The following GCSH variants were observed in gnomAD, a reference collection of about 807,000 sequenced individuals.
GCSH encodes glycine cleavage system H protein, mitochondrial.
Under a neutral mutation model 21.3 loss-of-function variants are expected in GCSH, and 15 were observed. The observed-to-expected ratio is 0.70, with a 90% confidence interval of 0.47 to 1.08. The LOEUF (loss-of-function observed/expected upper bound fraction) is 1.08, where lower values mean the gene tolerates loss of function less well. GCSH is among the 50% of genes least tolerant of loss of function. GCSH has a pLI of 0.00. For synonymous variants in GCSH, 59 were observed against 84.5 expected, an observed-to-expected ratio of 0.70 and a Z score of 1.66; for missense variants, 179 against 217.5, an observed-to-expected ratio of 0.82 and a Z score of 1.11.
chr16:81,087,932 C>A (rs553762721), intron 2 of GCSH, among the ~76,000 whole-genome samples: 163 of 152,154 alleles, frequency 1.1e-3, no homozygotes, highest in African/African-American at 3.7e-3. Flanking sequence ...TCGAGACCAG[C>A]CTGGTTGACA....
At chr16:81,095,986 C>T (rs1054562654) in intron 1 of GCSH, 145 bp downstream of exon 1, 2 of 648,952 alleles carry the variant, frequency 3.1e-6, no homozygotes, top group South Asian at 8.0e-5. Context: ...GGGATCCCAA[C>T]AGAAATAAGA....
intron 1 of GCSH, chr16:81,091,139 G>A: frequency 2.2e-6 from 1 of 448,352 alleles, no homozygotes; most frequent in South Asian, 1.6e-5. Flanking sequence ...ATAATCAGGT[G>A]CCTCTTTAGG....
chr16:81,092,720 G>C (rs1038993548), intron 1 of GCSH, among the ~76,000 whole-genome samples: 10 of 151,824 alleles, frequency 6.6e-5, no homozygotes, highest in African/African-American at 2.2e-4. Flanking sequence ...TCCAGCCTAA[G>C]CAACAGAGCA....
intron 2 of GCSH, among the ~76,000 whole-genome samples, chr16:81,088,798 G>T (rs2151770140): frequency 6.6e-6 from 1 of 152,250 alleles, no homozygotes; most frequent in South Asian, 2.1e-4. Flanking sequence ...CTGAAATCCT[G>T]CTCACTGATT....
At chr16:81,084,932 G>A (rs1303542303) in intron 3 of GCSH, among the ~76,000 whole-genome samples, 1 of 149,932 alleles carries the variant, frequency 6.7e-6, no homozygotes, top group African/African-American at 2.5e-5. Flanking sequence ...AGCTAGGATG[G>A]TCTCAATCTC....
intron 1 of GCSH, among the ~76,000 whole-genome samples, chr16:81,091,805 A>G (rs1389836460): frequency 6.6e-6 from 1 of 151,988 alleles, no homozygotes; most frequent in Non-Finnish European, 1.5e-5. Context: ...TTATTTTTGT[A>G]GAGATGGGGG....
intron 1 of GCSH, among the ~76,000 whole-genome samples, chr16:81,092,839 A>G (rs2151773137): frequency 6.6e-6 from 1 of 151,514 alleles, no homozygotes; most frequent in East Asian, 2.0e-4. Flanking sequence ...CCCTTAAATT[A>G]TCATGTTGCA....
chr16:81,094,445 C>T (rs894040387), intron 1 of GCSH, among the ~76,000 whole-genome samples: 48 of 150,786 alleles, frequency 3.2e-4, no homozygotes, highest in Non-Finnish European at 5.2e-4. Context: ...GCGAAGGTTG[C>T]AGTGAGCCAA....
intron 1 of GCSH, among the ~76,000 whole-genome samples, chr16:81,094,971 T>C (rs1972471708): frequency 6.6e-6 from 1 of 151,816 alleles, no homozygotes. Context: ...CGGGCGCCAG[T>C]GAACCCAGCT....
rs7187102 is a variant in GCSH, at chr16:81,084,684, C to T, written c.293-90G>A. On this transcript the variant is annotated intron_variant, in intron 3 of 4. Coordinates refer to ENST00000315467, the MANE Select transcript of GCSH (RefSeq NM_004483.5). ...TACGAAAAAGTAGATTCCTGTCATACAGCTATGATTTTAAAATTCCAAATT... is the reference window on the plus strand; with the variant it reads ...TACGAAAAAGTAGATTCCTGTCATATAGCTATGATTTTAAAATTCCAAATT... 0.99 allele frequency: 868,780 copies of T among 876,978 alleles called. 430,752 individuals carry two copies. Among genetic ancestry groups the T allele is most frequent in the East Asian group, 1 (38,083 of 38,084 alleles). 54.3% of individuals were successfully genotyped at this position (876,978 alleles called of 1,614,324 possible). A position where few individuals can be genotyped will look rare whatever the true frequency, so the allele number is the denominator to read the frequency against.
chr16:81,095,601 C>G (rs893025074), intron 1 of GCSH, among the ~76,000 whole-genome samples: 3 of 152,108 alleles, frequency 2.0e-5, no homozygotes, highest in Non-Finnish European at 4.4e-5. Flanking sequence ...CCAGGATAGT[C>G]TCGATCTCCT....
chr16:81,092,926 G>A (rs1972425462), intron 1 of GCSH, among the ~76,000 whole-genome samples: 2 of 151,906 alleles, frequency 1.3e-5, no homozygotes, highest in African/African-American at 2.4e-5. Context: ...GACGTAAGGA[G>A]GTCAAGACCA....
chr16:81,094,992 C>T (rs944612620), intron 1 of GCSH, among the ~76,000 whole-genome samples: 1 of 151,710 alleles, frequency 6.6e-6, no homozygotes, highest in Non-Finnish European at 1.5e-5. Context: ...ACTCGGGAGG[C>T]TGAGGCAAGA....
chr16:81,095,212 G>A (rs1972478737), intron 1 of GCSH, among the ~76,000 whole-genome samples: 1 of 152,136 alleles, frequency 6.6e-6, no homozygotes, highest in African/African-American at 2.4e-5. Context: ...GTCCGTTTGA[G>A]TTAGGGCTCA....
intron 1 of GCSH, among the ~76,000 whole-genome samples, chr16:81,092,982 A>C (rs1206163339): frequency 6.6e-6 from 1 of 152,110 alleles, no homozygotes; most frequent in East Asian, 1.9e-4. Context: ...AAATACAAAA[A>C]TTAGCCAGGT....
chr16:81,091,278 G>C (rs992589608), intron 1 of GCSH: 5 of 355,370 alleles, frequency 1.4e-5, no homozygotes, highest in South Asian at 8.8e-5. Flanking sequence ...TCAAATTCAA[G>C]CCTAACCTTG....
intron 1 of GCSH, among the ~76,000 whole-genome samples, 173 bp downstream of exon 1, chr16:81,095,958 G>T (rs1300187088): frequency 1.3e-5 from 2 of 152,126 alleles, no homozygotes; most frequent in African/African-American, 4.8e-5. Context: ...TTAAGGGGGA[G>T]AAGCGGCCGC....
At chr16:81,095,792 C>G (rs1005542174) in intron 1 of GCSH, among the ~76,000 whole-genome samples, 6 of 152,242 alleles carry the variant, frequency 3.9e-5, no homozygotes, top group Middle Eastern at 3.4e-3. Context: ...TTAAGGCCAC[C>G]GAGACGCTTA....
intron 2 of GCSH, among the ~76,000 whole-genome samples, chr16:81,089,265 C>T (rs1972346047): frequency 6.6e-6 from 1 of 152,164 alleles, no homozygotes; most frequent in South Asian, 2.1e-4. Flanking sequence ...TCGCATTATA[C>T]TTAATACATG....
Sources: allele counts gnomAD v4.1 joint callset (sites outside exome capture counted in the v4.1 genomes callset), GRCh38; gene constraint gnomAD v4.1.1; transcripts MANE v1.5; gene names NCBI Gene and HGNC (gene_info 2026-07-23, HGNC 2026-07-21).